ARID1B: variants seen among roughly 807,000 people sequenced by gnomAD.
ARID1B encodes the protein AT-rich interaction domain 1B, also known as AT-rich interactive domain-containing protein 1B.
Under a neutral mutation model 212.3 loss-of-function variants are expected in ARID1B, and 30 were observed. The observed-to-expected ratio is 0.14, with a 90% CI of 0.11 to 0.19. ARID1B has a LOEUF of 0.19. Among genes scored for constraint, ARID1B ranks in the 10% least tolerant of loss-of-function variants. ARID1B has a pLI of 1.00. For missense variants in ARID1B, 2,891 were observed against 3,204.0 expected (o/e 0.90, Z 2.36); for synonymous variants, 1,402 against 1,301.7 (o/e 1.08, Z -1.66).
chr6:156,784,670 T>G (rs1218264037), intron 1 of ARID1B, among the ~76,000 whole-genome samples: 3 of 152,264 alleles, frequency 2.0e-5, no homozygotes, highest in Non-Finnish European at 2.9e-5. Flanking sequence ...GTAGAATATG[T>G]GTTTCCACTG....
Position 157,039,045 on chromosome 6 carries a change from T to C in ARID1B, c.2248-45617T>C, listed in dbSNP as rs562179872. 2.6e-5 allele frequency among the ~76,000 whole-genome samples: 4 copies of C among 152,220 alleles called. No homozygotes were observed. The East Asian group carries it at 7.7e-4, about 29-fold the overall frequency. ...GCCATGTGCCACCATGCCTGGCTAA[T>C]TTTTTATAAAAATGCAGGTCTAACT... On this transcript the variant is annotated intron_variant, in intron 4 of 19. Transcript: ENST00000636930.
intron 3 of ARID1B, among the ~76,000 whole-genome samples, chr6:156,909,414 G>A (rs866417634): frequency 2.6e-5 from 4 of 152,074 alleles, no homozygotes; most frequent in Admixed American, 6.5e-5. Flanking sequence ...GTGAGTCACC[G>A]CATCCGGACA....
At chr6:156,996,557 C>CA (rs1434059380) in intron 4 of ARID1B, among the ~76,000 whole-genome samples, 1 of 151,958 alleles carries the variant, frequency 6.6e-6, no homozygotes, top group Non-Finnish European at 1.5e-5. Context: ...TTATGGAAAC[C>CA]AAAAATAAGT....
rs144866716 is a variant in ARID1B at position 157,203,090 on chromosome 6, C to T, written c.5264-776C>T. Among the ~76,000 whole-genome samples, 109 of 152,266 alleles carry T rather than the reference C, an allele frequency of 7.2e-4. No individual in the cohort carries two copies. Among genetic ancestry groups the T allele is most frequent in the African/African-American group, 2.5e-3 (105 of 41,548 alleles). ...AGATAAAATAAAAGTGGAAAAGCCA[C>T]GGTGTCTCCCCCTCATGCAATGATT... On this transcript the variant is annotated intron_variant, in intron 18 of 19. Transcript: ENST00000636930. This position sits in a 1 kb window ranked among gnomAD's most constrained non-coding sequence, Gnocchi z 4.4.
chr6:157,057,290 G>A (rs905378040), intron 4 of ARID1B, among the ~76,000 whole-genome samples: 3 of 151,878 alleles, frequency 2.0e-5, no homozygotes, highest in African/African-American at 7.3e-5. Flanking sequence ...GCCACCACGT[G>A]TCCTAACTTT....
At chr6:157,019,157 A>T (rs1780078739) in intron 4 of ARID1B, among the ~76,000 whole-genome samples, 1 of 152,222 alleles carries the variant, frequency 6.6e-6, no homozygotes, top group South Asian at 2.1e-4. Flanking sequence ...GCAGAATGAC[A>T]TGTTCAAATC....
intron 2 of ARID1B, among the ~76,000 whole-genome samples, chr6:156,832,470 C>T (rs779504608): frequency 1.3e-5 from 2 of 152,146 alleles, no homozygotes; most frequent in Non-Finnish European, 2.9e-5. Flanking sequence ...TGGATGGCTT[C>T]CAGAACGTTC....
intron 4 of ARID1B, among the ~76,000 whole-genome samples, chr6:157,048,886 C>A (rs1189878374): frequency 6.6e-6 from 1 of 152,106 alleles, no homozygotes. Flanking sequence ...AGACTTGCTA[C>A]CTTAAGGCCA....
At chr6:156,839,824 TC>T (rs1386790119) in intron 2 of ARID1B, among the ~76,000 whole-genome samples, 1 of 152,158 alleles carries the variant, frequency 6.6e-6, no homozygotes, top group Non-Finnish European at 1.5e-5. Flanking sequence ...GACCAGGAAA[TC>T]ACCACTGCTG....
At chr6:156,903,065 C>G (rs1177605989) in intron 3 of ARID1B, among the ~76,000 whole-genome samples, 1 of 152,082 alleles carries the variant, frequency 6.6e-6, no homozygotes, top group Non-Finnish European at 1.5e-5. Flanking sequence ...GATCATAAAA[C>G]CGATTTGATT....
At chr6:157,175,166 T>C (rs1792015029) in intron 11 of ARID1B, 161 bp downstream of exon 11, 1 of 601,502 alleles carries the variant, frequency 1.7e-6, no homozygotes. Context: ...AATAATAATA[T>C]TAGTGACAAA....
intron 1 of ARID1B, among the ~76,000 whole-genome samples, chr6:156,780,676 G>A (rs1779193659): frequency 6.6e-6 from 1 of 152,138 alleles, no homozygotes; most frequent in Non-Finnish European, 1.5e-5. Context: ...GCAAATGTAA[G>A]GTTCAGTATT....
At position 157,167,190 on chromosome 6, in the gene ARID1B, C is replaced by G. The variant is rs1017787240; in HGVS notation, c.3235+5C>G. 6.2e-7 allele frequency: 1 copy of G among 1,604,374 alleles called. No individual in the cohort carries two copies. Among genetic ancestry groups the G allele is most frequent in the Non-Finnish European group, 8.5e-7 (1 of 1,179,248 alleles). On this transcript the variant is annotated splice_donor_5th_base_variant and intron_variant, in intron 9 of 19. Transcript: ENST00000636930. ...CCATGGTGAACAGCTCGGCAGGTAA[C>G]CTTGGCAGCTCTGCGCTCCTGAGCC...
chr6:156,778,645 C>G lies in ARID1B; in HGVS notation c.965C>G (p.Pro322Arg). The stretch of plus-strand genomic sequence containing the variant: ...AATAATTACTATGGCAGCGCTGCCC[C>G]TGCGAGCGGCGGCCCCGGCGGCCGC... ...EFNNYYGSAA[P>R]ASGGPGGRAG... The change falls in exon 1 of 20, where the codon CCT becomes CGT. Residue 322 changes from proline (P) to arginine (R), a missense_variant. Coordinates refer to ENST00000636930, the MANE Select transcript of ARID1B (RefSeq NM_001374828.1). 1 of 1,478,004 alleles carries G rather than the reference C, an allele frequency of 6.8e-7. No homozygotes were observed. The highest frequency in any genetic ancestry group is 9.0e-7 in the Non-Finnish European group (1 of 1,110,658). 91.6% of individuals were successfully genotyped at this position (1,478,004 alleles called of 1,614,324 possible). A position where few individuals can be genotyped will look rare whatever the true frequency, so the allele number is the denominator to read the frequency against.
chr6:156,912,465 G>GA lies in ARID1B; in HGVS notation c.2136+10943dup, dbSNP rs142771797. Reference sequence around the variant, plus strand: ...GCCCACTCCAGGTGAGTGGGATGGGGAAAGAGGGAGGGAAGACCCTGCTAT... The same window carrying GA: ...GCCCACTCCAGGTGAGTGGGATGGGGAAAAGAGGGAGGGAAGACCCTGCTAT... On this transcript the variant is annotated intron_variant, in intron 3 of 19. Transcript: ENST00000636930. 2.3e-3 allele frequency among the ~76,000 whole-genome samples: 355 copies of GA among 152,222 alleles called. 12 individuals are homozygous for GA. In the South Asian group the frequency reaches 0.042, roughly 18 times the overall value.
chr6:157,181,270 CTCACAA>C, intron 12 of ARID1B, 92 bp downstream of exon 12: 1 of 1,454,176 alleles, frequency 6.9e-7, no homozygotes, highest in South Asian at 1.3e-5. Flanking sequence ...CATTTTTTTT[CTCACAA>C]AGGAAAAGCT....
intron 4 of ARID1B, among the ~76,000 whole-genome samples, chr6:157,021,890 G>A (rs1172717490): frequency 6.6e-6 from 1 of 152,118 alleles, no homozygotes; most frequent in African/African-American, 2.4e-5. Flanking sequence ...CCGCCGCCCC[G>A]CTACCTCGCC....
At position 157,127,012 on chromosome 6, in the gene ARID1B, G is replaced by A. The variant is rs549132624; in HGVS notation, c.2582-6016G>A. ...TATGTCACCATAAATAGGAAGAAAA[G>A]TCTTAGTTGAAATCTGATTTCTTGG... On this transcript the variant is annotated intron_variant, in intron 6 of 19. Coordinates refer to ENST00000636930, the MANE Select transcript of ARID1B (RefSeq NM_001374828.1). 2.6e-5 allele frequency among the ~76,000 whole-genome samples: 4 copies of A among 152,260 alleles called. 1 individual carries two copies. The South Asian group carries it at 8.3e-4, about 32-fold the overall frequency.
chr6:157,149,019 A>G (rs1273205684), intron 8 of ARID1B, 68 bp downstream of exon 8: 7 of 1,467,740 alleles, frequency 4.8e-6, no homozygotes, highest in Non-Finnish European at 6.5e-6. Context: ...GTGACTGCGC[A>G]CATAGCTGCA....
Sources: allele counts gnomAD v4.1 joint callset (sites outside exome capture counted in the v4.1 genomes callset), GRCh38; gene constraint gnomAD v4.1.1; non-coding constraint Gnocchi (gnomAD v3.1); transcripts MANE v1.5; gene names NCBI Gene and HGNC (gene_info 2026-07-23, HGNC 2026-07-21).